Variants in SPATA31F3 observed in about 807,000 individuals in gnomAD.
SPATA31F3 encodes SPATA31 subfamily F member 3.
chr9:34,891,572 G>A, the SPATA31F3 span, among the ~76,000 whole-genome samples: 2 of 152,166 alleles, frequency 1.3e-5, no homozygotes, highest in Non-Finnish European at 2.9e-5. Flanking sequence ...CAGGTCACAG[G>A]ATGAACTGGA....
the SPATA31F3 span, among the ~76,000 whole-genome samples, chr9:34,891,148 G>A: frequency 6.6e-6 from 1 of 152,214 alleles, no homozygotes; most frequent in Non-Finnish European, 1.5e-5. Context: ...AGGATCATCA[G>A]TAACAGCATC....
At chr9:34,893,130 CT>C in the SPATA31F3 span, 1 of 777,552 alleles carries the variant, frequency 1.3e-6, no homozygotes, top group Non-Finnish European at 1.9e-6. Context: ...CGCACACTTC[CT>C]TCCTGAGGAA....
the SPATA31F3 span, among the ~76,000 whole-genome samples, chr9:34,890,894 T>C: frequency 3.3e-5 from 5 of 151,856 alleles, no homozygotes; most frequent in African/African-American, 1.2e-4. Flanking sequence ...AGAACACTTG[T>C]ACGTTATCTA....
the SPATA31F3 span, chr9:34,893,176 A>G: frequency 2.0e-6 from 1 of 503,146 alleles, no homozygotes; most frequent in Non-Finnish European, 3.4e-6. Context: ...CATGACAAAC[A>G]TTAATGATGG....
At chr9:34,889,589 G>T in the SPATA31F3 span, 1 of 398,472 alleles carries the variant, frequency 2.5e-6, no homozygotes, top group African/African-American at 2.1e-5. Context: ...GGTTAATCCA[G>T]TGCAGAAACA....
chr9:34,893,079 C>T, the SPATA31F3 span: 5 of 960,946 alleles, frequency 5.2e-6, no homozygotes, highest in Admixed American at 1.3e-4. Flanking sequence ...AGAGCCATAA[C>T]ATTGCAGATT....
At chr9:34,892,694 G>A in the SPATA31F3 span, 26 of 459,050 alleles carry the variant, frequency 5.7e-5, no homozygotes, top group Admixed American at 1.8e-4. Context: ...GTTGTTTTTC[G>A]TCCTCTCCTG....
the SPATA31F3 span, chr9:34,894,401 C>T: frequency 2.5e-6 from 1 of 398,512 alleles, no homozygotes; most frequent in Non-Finnish European, 4.4e-6. Context: ...GATCACAGAC[C>T]AGACTAGCAG....
chr9:34,890,433 C>A, the SPATA31F3 span, among the ~76,000 whole-genome samples: 1 of 152,318 alleles, frequency 6.6e-6, no homozygotes, highest in Admixed American at 6.5e-5. Flanking sequence ...TCCAGCTGAA[C>A]ACAAAGTACC....
the SPATA31F3 span, chr9:34,893,265 C>T: frequency 6.9e-6 from 3 of 431,846 alleles, no homozygotes; most frequent in Non-Finnish European, 1.2e-5. Flanking sequence ...CTGGAGCCTA[C>T]ACTCTCTTGT....
At chr9:34,895,254 T>C in the SPATA31F3 span, among the ~76,000 whole-genome samples, 1 of 152,178 alleles carries the variant, frequency 6.6e-6, no homozygotes, top group Non-Finnish European at 1.5e-5. Flanking sequence ...TCTTATTTGC[T>C]TATTTCTGAC....
the SPATA31F3 span, chr9:34,893,209 A>C: frequency 2.1e-6 from 1 of 472,466 alleles, no homozygotes. Context: ...CTTCTCGGAA[A>C]AGTGTGGGCC....
At chr9:34,892,826 C>T in the SPATA31F3 span, 10 of 685,306 alleles carry the variant, frequency 1.5e-5, no homozygotes, top group Admixed American at 1.9e-4. Context: ...ATCTTGGACG[C>T]TGTCTGCACC....
At chr9:34,893,947 G>T in the SPATA31F3 span, among the ~76,000 whole-genome samples, 1 of 152,156 alleles carries the variant, frequency 6.6e-6, no homozygotes, top group Non-Finnish European at 1.5e-5. Context: ...AATATCTTTT[G>T]GGAATCAATC....
At chr9:34,891,565 G>A in the SPATA31F3 span, among the ~76,000 whole-genome samples, 8 of 152,314 alleles carry the variant, frequency 5.3e-5, no homozygotes, top group East Asian at 1.2e-3. Context: ...TGGTCATCAG[G>A]TCACAGGATG....
the SPATA31F3 span, chr9:34,894,629 T>C: frequency 2.5e-6 from 1 of 397,370 alleles, no homozygotes; most frequent in Non-Finnish European, 4.4e-6. Flanking sequence ...AAGTCACATC[T>C]GTGTATAACT....
chr9:34,892,308 C>T, the SPATA31F3 span, among the ~76,000 whole-genome samples: 1 of 152,176 alleles, frequency 6.6e-6, no homozygotes, highest in Non-Finnish European at 1.5e-5. Context: ...CAGCTAGCCT[C>T]CCATGAAACC....
chr9:34,894,418 G>T, the SPATA31F3 span: 1 of 398,430 alleles, frequency 2.5e-6, no homozygotes, highest in African/African-American at 2.1e-5. Context: ...GCAGCTGGGA[G>T]ACTGCAAAGA....
chr9:34,890,993 A>C, the SPATA31F3 span, among the ~76,000 whole-genome samples: 1 of 151,914 alleles, frequency 6.6e-6, no homozygotes, highest in Non-Finnish European at 1.5e-5. Flanking sequence ...TGATGGGCTC[A>C]ATCTGTGATT....
Sources: allele counts gnomAD v4.1 joint callset (sites outside exome capture counted in the v4.1 genomes callset), GRCh38; gene constraint gnomAD v4.1.1; transcripts MANE v1.5; gene names NCBI Gene and HGNC (gene_info 2026-07-23, HGNC 2026-07-21).